The following S100PBP variants were observed in gnomAD, a reference collection of about 807,000 sequenced individuals.
The protein encoded by S100PBP is S100P-binding protein.
Under a neutral mutation model 39.9 loss-of-function variants are expected in S100PBP, and 15 were observed. The ratio of observed to expected loss-of-function variants is 0.38; its 90% CI spans 0.25 to 0.58. S100PBP has a LOEUF of 0.58. Ranked by LOEUF, S100PBP falls within the 20% of genes least tolerant of loss-of-function variation. S100PBP has a pLI of 0.70. For missense variants in S100PBP, 504 were observed against 487.3 expected (o/e 1.03, Z -0.32); for synonymous variants, 178 against 180.3 (o/e 0.99, Z 0.10).
intron 5 of S100PBP, chr1:32,836,598 A>T: frequency 1.0e-6 from 1 of 980,230 alleles, no homozygotes. Context: ...AGAGTTGTTA[A>T]TTGCTTCAGT....
At chr1:32,822,667 A>G (rs576591724) in intron 1 of S100PBP, among the ~76,000 whole-genome samples, 5 of 151,780 alleles carry the variant, frequency 3.3e-5, no homozygotes, top group Admixed American at 6.6e-5. Context: ...CATCAGAAAG[A>G]GAATGGTTTG....
At position 32,857,456 on chromosome 1, in the gene S100PBP, A is replaced by G. The variant is rs900505245; in HGVS notation, c.*1418A>G. On this transcript the variant is annotated 3_prime_UTR_variant, in exon 7 of 7. Coordinates refer to ENST00000373475, the MANE Select transcript of S100PBP (RefSeq NM_022753.4). ...CTCCTGAGTAGCTGTGATTACAGGC[A>G]TGCGCCACCATGCCTGGCTAATTTC... 3 of 152,136 alleles carry G rather than the reference A, an allele frequency of 2.0e-5. No homozygotes were observed. The East Asian group carries it at 5.8e-4, about 29-fold the overall frequency. 9.4% of individuals were successfully genotyped at this position (152,136 alleles called of 1,614,324 possible). A position where few individuals can be genotyped will look rare whatever the true frequency, so the allele number is the denominator to read the frequency against.
chr1:32,853,128 G>A lies in S100PBP; in HGVS notation c.1074G>A (p.Gln358=). 6.2e-7 allele frequency: 1 copy of A among 1,613,242 alleles called. No homozygotes were observed. Among genetic ancestry groups the A allele is most frequent in the South Asian group, 1.1e-5 (1 of 91,040 alleles). ...CALMDQVHHM[Q]HSKWQHPSDL... Reference sequence around the variant, plus strand: ...TGATGGATCAAGTTCATCATATGCAGCACTCAAAATGGCAGCATCCTTCGG... The same window carrying A: ...TGATGGATCAAGTTCATCATATGCAACACTCAAAATGGCAGCATCCTTCGG... Residue 358 remains glutamine, a synonymous_variant, in exon 6 of 7, where the codon CAG becomes CAA. Transcript: ENST00000373475.
intron 5 of S100PBP, among the ~76,000 whole-genome samples, chr1:32,842,236 TACACACACACACAC>T (rs1553132298): frequency 1.2e-5 from 1 of 80,854 alleles, no homozygotes; most frequent in Non-Finnish European, 2.3e-5. Context: ...TATATATATA[TACACACACACACAC>T]ACACACACAC....
In S100PBP at chr1:32,842,204, CAT is replaced by C. The variant is rs71006373; in HGVS notation, c.1025-10860_1025-10859del. The stretch of plus-strand genomic sequence containing the variant: ...TCAAAAAAAAAAAAAAAAAAAAAAA[CAT>C]ATATATATATATATGTATATATATA... On this transcript the variant is annotated intron_variant, in intron 5 of 6. Transcript: ENST00000373475. 2.4e-3 allele frequency among the ~76,000 whole-genome samples: 137 copies of C among 56,332 alleles called. 1 individual carries two copies. In the East Asian group the frequency reaches 0.026, roughly 11 times the overall value. 37.0% of individuals were successfully genotyped at this position (56,332 alleles called of 152,430 possible). A position where few individuals can be genotyped will look rare whatever the true frequency, so the allele number is the denominator to read the frequency against.
intron 5 of S100PBP, chr1:32,835,542 C>T (rs1406267790): frequency 6.6e-6 from 1 of 152,096 alleles, no homozygotes; most frequent in East Asian, 1.9e-4. Flanking sequence ...AAACTCTATA[C>T]CTACACAACA....
At chr1:32,847,802 C>G (rs112026102) in intron 5 of S100PBP, 1 of 151,990 alleles carries the variant, frequency 6.6e-6, no homozygotes, top group Non-Finnish European at 1.5e-5. Context: ...AAAGCAGTAG[C>G]CCATGTCCCC....
Position 32,826,168 on chromosome 1 carries a change from A to G in S100PBP, c.69A>G (p.Pro23=). 6.2e-7 allele frequency: 1 copy of G among 1,614,012 alleles called. No homozygotes were observed. The highest frequency in any genetic ancestry group is 8.5e-7 in the Non-Finnish European group (1 of 1,179,980). Residue 23 remains proline, a synonymous_variant, in exon 3 of 7, where the codon CCA becomes CCG. Coordinates refer to ENST00000373475, the MANE Select transcript of S100PBP (RefSeq NM_022753.4). ...CTCTCTTGCCTAAAGACGGTGCCCCATTTTCTTGGGATTCCTTGGATGAGG... is the reference window on the plus strand; with the variant it reads ...CTCTCTTGCCTAAAGACGGTGCCCCGTTTTCTTGGGATTCCTTGGATGAGG... The part of the protein sequence containing the change: ...GTSLLPKDGA[P]FSWDSLDEDG...
chr1:32,822,132 T>C (rs1191692446), intron 1 of S100PBP, among the ~76,000 whole-genome samples: 2 of 152,176 alleles, frequency 1.3e-5, no homozygotes, highest in Non-Finnish European at 2.9e-5. Flanking sequence ...TTCTTGTTAT[T>C]TACAGATGAA....
In S100PBP at chr1:32,828,065, C is replaced by G. The variant is rs1569854751; in HGVS notation, c.904C>G (p.Leu302Val). 8.8e-6 allele frequency: 14 copies of G among 1,599,066 alleles called. No homozygotes were observed. Among genetic ancestry groups the G allele is most frequent in the Non-Finnish European group, 1.2e-5 (14 of 1,166,890 alleles). ...ERRLGKVIPV[L>V]QTKTRTNVPT... ...AAGACTAGGCAAAGTCATTCCTGTT[C>G]TACAAACTAAGACCAGGTAATGTAA... is the stretch of plus-strand genomic sequence containing the variant. The change falls in exon 4 of 7, where the codon CTA (leucine) becomes GTA (valine). Residue 302 changes from leucine (L) to valine (V), a missense_variant. Coordinates refer to ENST00000373475, the MANE Select transcript of S100PBP (RefSeq NM_022753.4).
intron 5 of S100PBP, among the ~76,000 whole-genome samples, chr1:32,833,370 C>CTT (rs747323217): frequency 5.7e-5 from 8 of 141,184 alleles, no homozygotes; most frequent in African/African-American, 7.8e-5. Context: ...TTATTATTTT[C>CTT]TTTTTTTTTT....
chr1:32,846,903 C>G (rs1033991710), intron 5 of S100PBP: 2 of 152,306 alleles, frequency 1.3e-5, no homozygotes, highest in African/African-American at 2.4e-5. Flanking sequence ...GCCTCAGCCT[C>G]CCTAGTAGCT....
chr1:32,834,135 T>G (rs1365867894), intron 5 of S100PBP: 1 of 191,142 alleles, frequency 5.2e-6, no homozygotes, highest in Admixed American at 6.1e-5. Context: ...GTATTAATTT[T>G]TAGTGTCACC....
At chr1:32,834,714 A>G (rs1639741709) in intron 5 of S100PBP, among the ~76,000 whole-genome samples, 1 of 152,122 alleles carries the variant, frequency 6.6e-6, no homozygotes, top group African/African-American at 2.4e-5. Flanking sequence ...TAATTAGTAA[A>G]TTATCTGTGG....
chr1:32,842,035 A>T (rs1038259130), intron 5 of S100PBP, among the ~76,000 whole-genome samples: 6 of 151,466 alleles, frequency 4.0e-5, no homozygotes, highest in African/African-American at 1.5e-4. Flanking sequence ...AAAAAAATTA[A>T]AAGGTTAGCC....
At chr1:32,836,546 A>G (rs1401476980) in intron 5 of S100PBP, 22 of 982,474 alleles carry the variant, frequency 2.2e-5, no homozygotes, top group Non-Finnish European at 2.4e-5. Context: ...GCCAAGTAGT[A>G]TATTATGGCT....
In S100PBP at chr1:32,857,909, G is replaced by A. The variant is rs1235691042; in HGVS notation, c.*1871G>A. On this transcript the variant is annotated 3_prime_UTR_variant, in exon 7 of 7. Transcript: ENST00000373475. ...AGGATTTGCTTTTCCTTGAACATTT[G>A]TTTTAAATTCTGGGGCCAAAATGCA... The A allele has an allele frequency of 6.6e-6, 1 of 152,138 alleles. No homozygotes were observed. The highest frequency in any genetic ancestry group is 2.4e-5 in the African/African-American group (1 of 41,440). The allele number at this position is 152,138 out of a possible 1,614,324, so 9.4% of individuals were successfully genotyped here.
At chr1:32,840,430 G>A (rs2761449) in intron 5 of S100PBP, among the ~76,000 whole-genome samples, 20,890 of 152,030 alleles carry the variant, frequency 0.14, 1,788 homozygotes, top group South Asian at 0.23. Flanking sequence ...ATCTTGGCTC[G>A]CTACAACCTC....
intron 5 of S100PBP, among the ~76,000 whole-genome samples, chr1:32,831,689 A>G (rs1437244094): frequency 6.6e-6 from 1 of 152,058 alleles, no homozygotes; most frequent in Non-Finnish European, 1.5e-5. Context: ...ATAGAAGTAG[A>G]GAAACCTCTC....
Sources: gnomAD v4.1 joint callset for allele counts (sites outside exome capture counted in the v4.1 genomes callset) on GRCh38, gnomAD v4.1.1 for gene constraint, MANE v1.5 for transcripts, NCBI Gene and HGNC (gene_info 2026-07-23, HGNC 2026-07-21) for gene names.